Variants in GPR139 observed in about 807,000 individuals in gnomAD.
GPR139 encodes the protein probable G protein-coupled receptor 139.
A neutral mutation model predicts 25.8 loss-of-function variants in GPR139; 12 were observed. The observed-to-expected ratio is 0.47, with a 90% CI of 0.30 to 0.75. The LOEUF (loss-of-function observed/expected upper bound fraction) is 0.75, where lower values mean the gene tolerates loss of function less well. GPR139 is among the 30% of genes least tolerant of loss of function. GPR139 has a pLI of 0.07. For missense variants in GPR139, 380 were observed against 450.2 expected, an observed-to-expected ratio of 0.84 and a Z score of 1.41; for synonymous variants, 184 against 179.9, an observed-to-expected ratio of 1.02 and a Z score of -0.18.
At chr16:20,066,768 G>A (rs1567240960) in intron 1 of GPR139, among the ~76,000 whole-genome samples, 2 of 152,218 alleles carry the variant, frequency 1.3e-5, no homozygotes, top group African/African-American at 4.8e-5. Flanking sequence ...CTCTATGTGA[G>A]AGTGAACACG....
rs186978851 is a variant in GPR139 at position 20,035,756 on chromosome 16, T to A, written c.128-3087A>T. ...AGTGTTTCAAGCAAAGGAAACAGCA[T>A]GTGCAAATGTTCTGAGGGGGAGAAG... is the stretch of plus-strand genomic sequence containing the variant. On this transcript the variant is annotated intron_variant, in intron 1 of 1. Coordinates refer to ENST00000570682, the MANE Select transcript of GPR139 (RefSeq NM_001002911.4). Among the ~76,000 whole-genome samples the A allele has an allele frequency of 2.5e-3, 386 of 152,326 alleles. 2 individuals are homozygous for A. The highest frequency in any genetic ancestry group is 9.0e-3 in the African/African-American group (373 of 41,584).
intron 1 of GPR139, among the ~76,000 whole-genome samples, chr16:20,033,863 A>G (rs919741138): frequency 1.6e-4 from 24 of 151,970 alleles, no homozygotes; most frequent in Non-Finnish European, 3.2e-4. Flanking sequence ...GTAATTGGCA[A>G]AAACTGCAAT....
intron 1 of GPR139, among the ~76,000 whole-genome samples, chr16:20,049,980 T>C (rs1377093521): frequency 6.6e-6 from 1 of 152,184 alleles, no homozygotes. Context: ...TTCTTTCCAT[T>C]GCAAATAGTG....
intron 1 of GPR139, among the ~76,000 whole-genome samples, chr16:20,048,729 C>G (rs2057362091): frequency 6.6e-6 from 1 of 152,180 alleles, no homozygotes; most frequent in Non-Finnish European, 1.5e-5. Context: ...CACACCCCAT[C>G]CCAATACACA....
Position 20,054,149 on chromosome 16 carries a change from G to C in GPR139, c.127+19341C>G, listed in dbSNP as rs139083043. 3.0e-3 allele frequency among the ~76,000 whole-genome samples: 453 copies of C among 152,234 alleles called. 5 individuals carry two copies. The highest frequency in any genetic ancestry group is 0.02 in the Middle Eastern group (6 of 294). On this transcript the variant is annotated intron_variant, in intron 1 of 1. Transcript: ENST00000570682. ...GGAACTTGACAAATATTTGTCTAAGGCAGCATCTGAGTCTAGATGTCATCA... is the reference window on the plus strand; with the variant it reads ...GGAACTTGACAAATATTTGTCTAAGCCAGCATCTGAGTCTAGATGTCATCA...
Position 20,031,591 on chromosome 16 carries a change from A to G in GPR139, c.*144T>C, listed in dbSNP as rs1450713857. On this transcript the variant is annotated 3_prime_UTR_variant, in exon 2 of 2. Transcript: ENST00000570682. The stretch of plus-strand genomic sequence containing the variant: ...CCTTTCTTCTCTTCCATCTCTTCTC[A>G]TCTACCAGTCTGAGAATTGCCCAGT... 3.0e-6 allele frequency: 2 copies of G among 663,348 alleles called. No homozygotes were observed. The highest frequency in any genetic ancestry group is 3.6e-5 in the African/African-American group (2 of 55,530). The allele number at this position is 663,348 out of a possible 1,614,324, so 41.1% of individuals were successfully genotyped here.
In GPR139 at chr16:20,065,314, G is replaced by A. The variant is rs187857922; in HGVS notation, c.127+8176C>T. Among the ~76,000 whole-genome samples the A allele has an allele frequency of 3.9e-5, 6 of 152,306 alleles. No individual in the cohort carries two copies. The East Asian group carries it at 7.7e-4, about 20-fold the overall frequency. On this transcript the variant is annotated intron_variant, in intron 1 of 1. Coordinates refer to ENST00000570682, the MANE Select transcript of GPR139 (RefSeq NM_001002911.4). Reference sequence around the variant, plus strand: ...AACAACTTGGCAACACTAAACCACTGGCTGGAAAGCTGAGTGGCAGTGGCA... The same window carrying A: ...AACAACTTGGCAACACTAAACCACTAGCTGGAAAGCTGAGTGGCAGTGGCA...
chr16:20,034,351 A>G (rs576909892), intron 1 of GPR139, among the ~76,000 whole-genome samples: 1 of 152,198 alleles, frequency 6.6e-6, no homozygotes, highest in African/African-American at 2.4e-5. Context: ...GATTTAATAC[A>G]TTTTAACATT....
At chr16:20,061,146 T>C (rs1037915765) in intron 1 of GPR139, among the ~76,000 whole-genome samples, 4 of 151,948 alleles carry the variant, frequency 2.6e-5, no homozygotes, top group Non-Finnish European at 4.4e-5. Flanking sequence ...GTACCTAGCA[T>C]GGTGCCTGGT....
Position 20,073,859 on chromosome 16 carries a change from G to T in GPR139, c.-243C>A, listed in dbSNP as rs2057472333. The T allele has an allele frequency of 4.4e-6, 2 of 453,800 alleles. No individual in the cohort carries two copies. Among genetic ancestry groups the T allele is most frequent in the Admixed American group, 4.6e-5 (1 of 21,594 alleles). 28.1% of individuals were successfully genotyped at this position (453,800 alleles called of 1,614,324 possible). On this transcript the variant is annotated 5_prime_UTR_variant, in exon 1 of 2. Coordinates refer to ENST00000570682, the MANE Select transcript of GPR139 (RefSeq NM_001002911.4). This position sits in a 1 kb window ranked among gnomAD's most constrained non-coding sequence, Gnocchi z 4.7. The stretch of plus-strand genomic sequence containing the variant: ...GCAGGGTGCGGGGCGCGCTGCGCGG[G>T]GCCTCGGGAGGGGCTCCCGGAGCCC...
At chr16:20,070,926 G>C in intron 1 of GPR139, 6 of 985,218 alleles carry the variant, frequency 6.1e-6, no homozygotes, top group Non-Finnish European at 7.2e-6. Context: ...ATGCTGACCT[G>C]AATGCTTTCT....
intron 1 of GPR139, among the ~76,000 whole-genome samples, chr16:20,069,136 T>A (rs890489524): frequency 6.6e-6 from 1 of 152,206 alleles, no homozygotes; most frequent in East Asian, 1.9e-4. Context: ...ACAAAGTGAG[T>A]TGGGATTTTT....
intron 1 of GPR139, among the ~76,000 whole-genome samples, chr16:20,046,973 A>G (rs550960835): frequency 6.6e-6 from 1 of 152,304 alleles, no homozygotes; most frequent in Admixed American, 6.5e-5. Context: ...TGGGAGGCTG[A>G]AGCAGGAGGA....
At position 20,030,862 on chromosome 16, in the gene GPR139, G is replaced by A. The variant is rs2057285330; in HGVS notation, c.*873C>T. On this transcript the variant is annotated 3_prime_UTR_variant, in exon 2 of 2. Transcript: ENST00000570682. The stretch of plus-strand genomic sequence containing the variant: ...CTTGACACGTAAAAAGGCTTCTCTA[G>A]GAAGCTGGAGTGATACCATAACAAG... 6.6e-6 allele frequency among the ~76,000 whole-genome samples: 1 copy of A among 152,222 alleles called. No homozygotes were observed. Among genetic ancestry groups the A allele is most frequent in the South Asian group, 2.1e-4 (1 of 4,834 alleles).
chr16:20,069,682 T>A lies in GPR139; in HGVS notation c.127+3808A>T, dbSNP rs541184473. ...TTTCCTCACCTTGTCTTTCTGCACA[T>A]CCCCGGCACTCTTTAGAAGGTAATT... On this transcript the variant is annotated intron_variant, in intron 1 of 1. Transcript: ENST00000570682. Among the ~76,000 whole-genome samples, 321 of 152,302 alleles carry A rather than the reference T, an allele frequency of 2.1e-3. 1 individual carries two copies. Among genetic ancestry groups the A allele is most frequent in the South Asian group, 5.4e-3 (26 of 4,824 alleles).
chr16:20,051,250 A>G (rs1185151603), intron 1 of GPR139, among the ~76,000 whole-genome samples: 1 of 152,196 alleles, frequency 6.6e-6, no homozygotes, highest in Admixed American at 6.5e-5. Context: ...AAATTTTACA[A>G]GAGACAGCAG....
intron 1 of GPR139, among the ~76,000 whole-genome samples, chr16:20,058,339 G>A (rs893266612): frequency 4.2e-5 from 2 of 47,370 alleles, no homozygotes; most frequent in Non-Finnish European, 8.3e-5. Context: ...TGTGGAGTGT[G>A]TGTGTGTGTG....
Position 20,028,409 on chromosome 16 carries a change from G to A in GPR139, c.*3326C>T, listed in dbSNP as rs2057275659. Among the ~76,000 whole-genome samples the A allele has an allele frequency of 6.6e-6, 1 of 152,096 alleles. No individual in the cohort carries two copies. The highest frequency in any genetic ancestry group is 1.5e-5 in the Non-Finnish European group (1 of 68,024). On this transcript the variant is annotated 3_prime_UTR_variant, in exon 2 of 2. Coordinates refer to ENST00000570682, the MANE Select transcript of GPR139 (RefSeq NM_001002911.4). ...GATGCAAATACCAAACACCAAGTGT[G>A]CACCATATTAGAATTTATTATAATA...
At chr16:20,058,474 T>C (rs2057399416) in intron 1 of GPR139, among the ~76,000 whole-genome samples, 2 of 152,076 alleles carry the variant, frequency 1.3e-5, no homozygotes, top group Admixed American at 1.3e-4. Context: ...GAAAAATCTT[T>C]GTGTTGGTGG....
Sources: allele counts gnomAD v4.1 joint callset (sites outside exome capture counted in the v4.1 genomes callset), GRCh38; gene constraint gnomAD v4.1.1; non-coding constraint Gnocchi (gnomAD v3.1); transcripts MANE v1.5; gene names NCBI Gene and HGNC (gene_info 2026-07-23, HGNC 2026-07-21).